Variants in CMSS1 observed in about 807,000 individuals in gnomAD.
The protein encoded by CMSS1 is protein CMSS1.
A neutral mutation model predicts 43.5 loss-of-function variants in CMSS1; 33 were observed. The observed-to-expected ratio is 0.76, with a 90% CI of 0.57 to 1.01. The LOEUF is 1.01. Ranked by LOEUF, CMSS1 falls within the 50% of genes least tolerant of loss-of-function variation. The probability of loss-of-function intolerance (pLI) is 0.00; values close to 1 mark genes in which losing one functional copy is unlikely to be tolerated. For synonymous variants in CMSS1, 115 were observed against 117.2 expected (o/e 0.98, Z 0.12); for missense variants, 313 against 326.4 (o/e 0.96, Z 0.32).
intron 1 of CMSS1, among the ~76,000 whole-genome samples, chr3:100,070,435 TGAATA>T (rs2065741642): frequency 8.9e-6 from 1 of 112,718 alleles, no homozygotes; most frequent in Non-Finnish European, 2.0e-5. Flanking sequence ...ACTTAGGACT[TGAATA>T]TTAAATAATG....
intron 1 of CMSS1, among the ~76,000 whole-genome samples, chr3:100,065,150 T>C (rs958566429): frequency 1.1e-4 from 16 of 152,212 alleles, no homozygotes; most frequent in Admixed American, 1.0e-3. Flanking sequence ...GGCAGTCTAC[T>C]TAGTGTGATG....
chr3:100,137,564 CTTT>C (rs202163215), intron 1 of CMSS1, among the ~76,000 whole-genome samples: 1 of 142,490 alleles, frequency 7.0e-6, no homozygotes, highest in Non-Finnish European at 1.5e-5. Context: ...AAGCATGTAA[CTTT>C]TTTTTTTTTT....
chr3:99,990,177 A>C (rs897949358), intron 1 of CMSS1, among the ~76,000 whole-genome samples: 3 of 152,236 alleles, frequency 2.0e-5, no homozygotes, highest in Non-Finnish European at 4.4e-5. Context: ...TGAACAAAAC[A>C]GAAAGGCTAG....
At chr3:100,167,507 T>C (rs1033259656) in intron 5 of CMSS1, among the ~76,000 whole-genome samples, 4 of 152,238 alleles carry the variant, frequency 2.6e-5, no homozygotes, top group Admixed American at 6.5e-5. Context: ...ATTTTAAAAT[T>C]AGTCACATTT....
intron 1 of CMSS1, chr3:100,010,211 T>A: frequency 1.3e-6 from 1 of 743,572 alleles, no homozygotes; most frequent in Non-Finnish European, 1.6e-6. Context: ...TCAAATGATG[T>A]AAACTGTCAT....
At chr3:99,962,386 C>T (rs746723538) in intron 1 of CMSS1, among the ~76,000 whole-genome samples, 5 of 152,094 alleles carry the variant, frequency 3.3e-5, no homozygotes, top group Non-Finnish European at 7.4e-5. Context: ...CTATGGGCAA[C>T]ATAAAAGGTT....
chr3:99,907,592 TGCACCCATAG>T (rs1388640201), intron 1 of CMSS1, among the ~76,000 whole-genome samples: 1 of 152,150 alleles, frequency 6.6e-6, no homozygotes, highest in Non-Finnish European at 1.5e-5. Context: ...AACATAACAT[TGCACCCATAG>T]CTTCCACTGT....
At chr3:100,072,867 T>C (rs781404466) in intron 1 of CMSS1, among the ~76,000 whole-genome samples, 4 of 152,190 alleles carry the variant, frequency 2.6e-5, no homozygotes, top group African/African-American at 9.6e-5. Context: ...ATAAACTACC[T>C]ACCCACTTCC....
intron 1 of CMSS1, among the ~76,000 whole-genome samples, chr3:100,013,424 A>G (rs962085205): frequency 6.7e-6 from 1 of 150,142 alleles, no homozygotes; most frequent in Non-Finnish European, 1.5e-5. Flanking sequence ...TTATATTTTT[A>G]GTAGAGACCG....
intron 1 of CMSS1, among the ~76,000 whole-genome samples, chr3:100,013,116 G>T (rs920599898): frequency 6.6e-6 from 1 of 152,070 alleles, no homozygotes; most frequent in African/African-American, 2.4e-5. Context: ...GGCTCAAGCA[G>T]TCCACCCACC....
chr3:99,836,910 G>T (rs1942922723), intron 1 of CMSS1, among the ~76,000 whole-genome samples: 1 of 152,222 alleles, frequency 6.6e-6, no homozygotes, highest in African/African-American at 2.4e-5. Context: ...GTGGCACAGA[G>T]CCATGCAGTA....
intron 1 of CMSS1, among the ~76,000 whole-genome samples, chr3:100,060,442 C>G (rs1036716118): frequency 6.6e-6 from 1 of 152,048 alleles, no homozygotes; most frequent in Non-Finnish European, 1.5e-5. Context: ...TGCCAATGCC[C>G]TAAACGAAAA....
intron 1 of CMSS1, among the ~76,000 whole-genome samples, chr3:99,983,308 C>A (rs763232756): frequency 1.3e-5 from 2 of 148,848 alleles, no homozygotes; most frequent in East Asian, 2.0e-4. Context: ...CCAAGGCAGG[C>A]GGATCACCTG....
intron 1 of CMSS1, among the ~76,000 whole-genome samples, chr3:100,102,331 T>C (rs892759683): frequency 3.3e-5 from 5 of 152,192 alleles, no homozygotes; most frequent in Admixed American, 3.3e-4. Flanking sequence ...TATGAGATGG[T>C]ATCTCATTGT....
At chr3:99,940,026 G>T (rs139443214) in intron 1 of CMSS1, among the ~76,000 whole-genome samples, 53 of 152,330 alleles carry the variant, frequency 3.5e-4, no homozygotes, top group Non-Finnish European at 5.0e-4. Flanking sequence ...CACTGATGAG[G>T]TCCAGTAGGG....
At chr3:100,147,265 C>CTTTTTTT (rs71132514) in intron 2 of CMSS1, among the ~76,000 whole-genome samples, 98 of 86,818 alleles carry the variant, frequency 1.1e-3, no homozygotes, top group African/African-American at 2.3e-3. Context: ...AATTCTTTTT[C>CTTTTTTT]TTTTTTTTTT....
At chr3:100,166,683 C>A (rs1390229324) in intron 5 of CMSS1, among the ~76,000 whole-genome samples, 1 of 152,118 alleles carries the variant, frequency 6.6e-6, no homozygotes, top group East Asian at 1.9e-4. Context: ...GCATGTTTAC[C>A]ACTCAGACCA....
At chr3:100,060,981 G>A (rs561970790) in intron 1 of CMSS1, among the ~76,000 whole-genome samples, 86 of 152,228 alleles carry the variant, frequency 5.6e-4, no homozygotes, top group African/African-American at 1.6e-3. Context: ...TTAACCGCAC[G>A]AGGTGATGAG....
chr3:99,855,327 G>A (rs931400316), intron 1 of CMSS1, among the ~76,000 whole-genome samples: 35 of 152,100 alleles, frequency 2.3e-4, no homozygotes, highest in South Asian at 1.2e-3. Flanking sequence ...CAAAAAGGGC[G>A]TTAAATGATT....
Sources: allele counts gnomAD v4.1 joint callset (sites outside exome capture counted in the v4.1 genomes callset), GRCh38; gene constraint gnomAD v4.1.1; transcripts MANE v1.5; gene names NCBI Gene and HGNC (gene_info 2026-07-23, HGNC 2026-07-21).